Variants in CDH12 observed in about 807,000 individuals in gnomAD.
The protein encoded by CDH12 is cadherin 12.
Under a neutral mutation model 74.1 loss-of-function variants are expected in CDH12, and 41 were observed. The ratio of observed to expected loss-of-function variants is 0.55; its 90% CI spans 0.43 to 0.72. The LOEUF (loss-of-function observed/expected upper bound fraction) is 0.72. CDH12 is among the 30% of genes least tolerant of loss of function. CDH12 has a pLI of 0.00. For missense variants in CDH12, 945 were observed against 977.2 expected (o/e 0.97, Z 0.44); for synonymous variants, 399 against 355.0 (o/e 1.12, Z -1.39).
At chr5:21,775,530 C>T (rs1745539072) in intron 11 of CDH12, among the ~76,000 whole-genome samples, 1 of 152,150 alleles carries the variant, frequency 6.6e-6, no homozygotes, top group South Asian at 2.1e-4. Context: ...TACTCCTTGA[C>T]AGCAACTATA....
intron 1 of CDH12, among the ~76,000 whole-genome samples, chr5:22,636,144 T>C (rs1460567138): frequency 2.6e-5 from 4 of 152,216 alleles, no homozygotes; most frequent in Non-Finnish European, 4.4e-5. Context: ...TGAGATACCA[T>C]TGCACTCATT....
At chr5:21,889,335 T>C (rs1417807762) in intron 6 of CDH12, among the ~76,000 whole-genome samples, 1 of 152,146 alleles carries the variant, frequency 6.6e-6, no homozygotes, top group African/African-American at 2.4e-5. Flanking sequence ...AAGGGAGATG[T>C]GGTATCTGGC....
intron 6 of CDH12, among the ~76,000 whole-genome samples, chr5:21,912,490 A>C (rs1753900839): frequency 6.6e-6 from 1 of 152,150 alleles, no homozygotes; most frequent in South Asian, 2.1e-4. Flanking sequence ...CCTTACACTT[A>C]GAAAGGCTGT....
At chr5:22,678,954 T>C (rs1021252199) in intron 1 of CDH12, among the ~76,000 whole-genome samples, 1 of 152,146 alleles carries the variant, frequency 6.6e-6, no homozygotes, top group African/African-American at 2.4e-5. Context: ...ACAGTCATTT[T>C]CCATTAAACT....
chr5:22,510,517 T>A (rs1399683791), intron 1 of CDH12, among the ~76,000 whole-genome samples: 1 of 152,022 alleles, frequency 6.6e-6, no homozygotes, highest in Admixed American at 6.5e-5. Context: ...ATGCACAAAA[T>A]CAAAGTACAG....
intron 1 of CDH12, among the ~76,000 whole-genome samples, chr5:22,676,530 C>T (rs1384066379): frequency 6.6e-6 from 1 of 152,168 alleles, no homozygotes; most frequent in Non-Finnish European, 1.5e-5. Context: ...TAAAGAACAT[C>T]TTATTGAATG....
chr5:22,643,979 C>T (rs557814600), intron 1 of CDH12, among the ~76,000 whole-genome samples: 38 of 151,900 alleles, frequency 2.5e-4, no homozygotes, highest in Non-Finnish European at 4.4e-4. Context: ...ACAGTGACCA[C>T]ATAAGATGAT....
chr5:22,107,806 A>G (rs1744569361), intron 4 of CDH12, among the ~76,000 whole-genome samples: 1 of 152,134 alleles, frequency 6.6e-6, no homozygotes, highest in Admixed American at 6.5e-5. Flanking sequence ...ATACACACGA[A>G]GATTTTTATC....
chr5:22,832,900 T>G (rs938701324), intron 1 of CDH12, among the ~76,000 whole-genome samples: 1 of 152,202 alleles, frequency 6.6e-6, no homozygotes, highest in African/African-American at 2.4e-5. Flanking sequence ...ACACCTGATA[T>G]GCATCTTCAG....
At chr5:22,818,080 C>T (rs1300841637) in intron 1 of CDH12, among the ~76,000 whole-genome samples, 1 of 152,044 alleles carries the variant, frequency 6.6e-6, no homozygotes, top group Non-Finnish European at 1.5e-5. Context: ...TTCAACAATG[C>T]CTTGTAAAGA....
intron 3 of CDH12, among the ~76,000 whole-genome samples, chr5:22,283,724 G>T (rs747843367): frequency 3.3e-5 from 5 of 151,978 alleles, no homozygotes; most frequent in African/African-American, 4.8e-5. Flanking sequence ...TGATAATATT[G>T]TACTGTATAC....
intron 4 of CDH12, among the ~76,000 whole-genome samples, chr5:22,111,292 G>A (rs78912728): frequency 0.012 from 1,794 of 151,998 alleles, 29 homozygotes; most frequent in African/African-American, 0.041. Context: ...TAACAAAATG[G>A]GCTAAAGAGA....
At chr5:22,264,002 A>G (rs1753618146) in intron 3 of CDH12, among the ~76,000 whole-genome samples, 1 of 151,964 alleles carries the variant, frequency 6.6e-6, no homozygotes, top group Non-Finnish European at 1.5e-5. Context: ...CCCTACCATT[A>G]GAAAAAAATG....
At chr5:22,342,048 G>A (rs1409245026) in intron 3 of CDH12, among the ~76,000 whole-genome samples, 2 of 152,084 alleles carry the variant, frequency 1.3e-5, no homozygotes, top group Non-Finnish European at 2.9e-5. Flanking sequence ...GGTCCCTCTT[G>A]CTGCTGTGTC....
In CDH12 at chr5:22,075,113, T is replaced by C. The variant is rs369025032; in HGVS notation, c.231+3333A>G. On this transcript the variant is annotated intron_variant, in intron 5 of 14. Transcript: ENST00000382254. ...AAGAAAATGTGGCACATATACACCA[T>C]GGAATTCTATGCAGCCATAAAAAAG... Among the ~76,000 whole-genome samples, 16 of 151,852 alleles carry C rather than the reference T, an allele frequency of 1.1e-4. 1 individual carries two copies. The highest frequency in any genetic ancestry group is 5.8e-4 in the East Asian group (3 of 5,152).
chr5:21,850,247 T>A (rs1348131745), intron 7 of CDH12, among the ~76,000 whole-genome samples: 1 of 151,344 alleles, frequency 6.6e-6, no homozygotes, highest in East Asian at 1.9e-4. Context: ...AGGACTAGAG[T>A]TAATAATAGT....
At chr5:22,723,225 G>A (rs977529780) in intron 1 of CDH12, among the ~76,000 whole-genome samples, 2 of 152,028 alleles carry the variant, frequency 1.3e-5, no homozygotes, top group Non-Finnish European at 2.9e-5. Context: ...GGTAGAAAGG[G>A]GTTGGAAGAA....
chr5:21,970,869 A>AAAAAAAAAAAAAAAAAAAAAT (rs1756820904), intron 6 of CDH12, among the ~76,000 whole-genome samples: 1 of 143,426 alleles, frequency 7.0e-6, no homozygotes, highest in African/African-American at 2.6e-5. Context: ...AAAAAAAAAA[A>AAAAAAAAAAAAAAAAAAAAAT]AAAAAGAAAA....
intron 1 of CDH12, among the ~76,000 whole-genome samples, chr5:22,846,887 AAATT>A (rs1241128899): frequency 6.6e-6 from 1 of 152,188 alleles, no homozygotes; most frequent in East Asian, 1.9e-4. Flanking sequence ...TGGCATATAA[AAATT>A]AATTGTCAGC....
Sources: allele counts gnomAD v4.1 joint callset (sites outside exome capture counted in the v4.1 genomes callset), GRCh38; gene constraint gnomAD v4.1.1; transcripts MANE v1.5; gene names NCBI Gene and HGNC (gene_info 2026-07-23, HGNC 2026-07-21).